The following PRUNE2 variants were observed in gnomAD, a reference collection of about 807,000 sequenced individuals.
The protein encoded by PRUNE2 is prune homolog 2 with BCH domain, also known as protein prune homolog 2.
A neutral mutation model predicts 252.0 loss-of-function variants in PRUNE2; 164 were observed. That is an observed-to-expected ratio of 0.65 (90% CI 0.57 to 0.74). PRUNE2 has a LOEUF of 0.74. PRUNE2 is among the 30% of genes least tolerant of loss of function. The pLI is 0.00. For synonymous variants in PRUNE2, 1,292 were observed against 1,350.2 expected, an observed-to-expected ratio of 0.96 and a Z score of 0.94; for missense variants, 3,495 against 3,711.0, an observed-to-expected ratio of 0.94 and a Z score of 1.51.
chr9:76,637,011 A>G (rs200042870), intron 14 of PRUNE2, among the ~76,000 whole-genome samples: 13 of 81,208 alleles, frequency 1.6e-4, no homozygotes, highest in South Asian at 4.5e-4. Flanking sequence ...GTGTGTGTGT[A>G]TAATTTTAGG....
Position 76,636,295 on chromosome 9 carries a change from T to C in PRUNE2, c.9050+176A>G, listed in dbSNP as rs190020988. The stretch of plus-strand genomic sequence containing the variant: ...GGGAAATATTCATCATGACAGCATT[T>C]TCTCTCTTAATTCGGGATTCTTGAT... On this transcript the variant is annotated intron_variant, in intron 15 of 18. Transcript: ENST00000376718. 1.2e-4 allele frequency among the ~76,000 whole-genome samples: 18 copies of C among 152,330 alleles called. No homozygotes were observed. The East Asian group carries it at 3.3e-3, about 28-fold the overall frequency.
intron 3 of PRUNE2, among the ~76,000 whole-genome samples, chr9:76,848,865 A>G (rs570094595): frequency 6.6e-6 from 1 of 152,262 alleles, no homozygotes; most frequent in African/African-American, 2.4e-5. Context: ...TACTAACTAC[A>G]TATGGTTCTT....
At chr9:76,800,320 G>T (rs2056464703) in intron 6 of PRUNE2, among the ~76,000 whole-genome samples, 1 of 151,814 alleles carries the variant, frequency 6.6e-6, no homozygotes, top group South Asian at 2.1e-4. Context: ...TTGTCCTTGC[G>T]ATACTTTGCT....
chr9:76,826,693 T>C lies in PRUNE2; in HGVS notation c.548A>G (p.Lys183Arg). ...LFKWMTMESE[K>R]ISEKQEEILS... ...AATTTCCTCCTGCTTCTCTGAGATC[T>C]TCTCTGATTCCATGGTCATCCACTT... is the stretch of plus-strand genomic sequence containing the variant. Residue 183 changes from lysine (K) to arginine (R), a missense_variant, in exon 5 of 19, where the codon AAG becomes AGG. Coordinates refer to ENST00000376718, the MANE Select transcript of PRUNE2 (RefSeq NM_015225.3). 6.2e-7 allele frequency: 1 copy of C among 1,611,934 alleles called. No individual in the cohort carries two copies. Among genetic ancestry groups the C allele is most frequent in the East Asian group, 2.2e-5 (1 of 44,762 alleles).
chr9:76,823,244 TTTC>T (rs1290141213), intron 6 of PRUNE2: 1 of 152,126 alleles, frequency 6.6e-6, no homozygotes, highest in African/African-American at 2.4e-5. Context: ...CTTGCTTTTT[TTTC>T]TTTTTTCTTT....
intron 11 of PRUNE2, among the ~76,000 whole-genome samples, chr9:76,645,488 T>TGCCACA (rs1209135706): frequency 6.6e-6 from 1 of 152,164 alleles, no homozygotes; most frequent in East Asian, 1.9e-4. Flanking sequence ...TTTCAAAATA[T>TGCCACA]GCCACACCAA....
rs1406560266 is a variant in PRUNE2 at position 76,850,605 on chromosome 9, A to C, written c.202T>G (p.Tyr68Asp). ...VLNIPRTEFN[Y>D]FTETRFILEE... ...AAAATAAACCTCGTCTCGGTGAAGT[A>C]GTTGAATTCAGTTCTTGGTATGTTC... is the stretch of plus-strand genomic sequence containing the variant. The change falls in exon 3 of 19, where the codon TAC (tyrosine) becomes GAC (aspartate). Residue 68 changes from tyrosine to aspartate, a missense_variant. Tyr to Asp is a radical substitution (Grantham distance 160, BLOSUM62 -3). Coordinates refer to ENST00000376718, the MANE Select transcript of PRUNE2 (RefSeq NM_015225.3). The C allele has an allele frequency of 6.8e-6, 11 of 1,614,028 alleles. No homozygotes were observed. The highest frequency in any genetic ancestry group is 1.3e-5 in the African/African-American group (1 of 74,936).
At chr9:76,859,689 G>GTTTA (rs2060447463) in intron 1 of PRUNE2, among the ~76,000 whole-genome samples, 3 of 77,866 alleles carry the variant, frequency 3.9e-5, no homozygotes, top group Non-Finnish European at 5.3e-5. Flanking sequence ...TAGGGTGCTT[G>GTTTA]TTTGTTTGTT....
intron 11 of PRUNE2, 162 bp from the exon 12 acceptor site, chr9:76,645,071 C>T (rs1844241035): frequency 3.2e-6 from 2 of 627,480 alleles, no homozygotes; most frequent in East Asian, 5.5e-5. Flanking sequence ...TTTGTACAGC[C>T]TTTACAGAGC....
At chr9:76,871,504 G>A (rs1216809429) in intron 1 of PRUNE2, among the ~76,000 whole-genome samples, 2 of 152,236 alleles carry the variant, frequency 1.3e-5, no homozygotes, top group African/African-American at 4.8e-5. Context: ...GCTGTGTCTA[G>A]TGCTTTGGTA....
chr9:76,729,318 G>C (rs1243886267), intron 6 of PRUNE2, among the ~76,000 whole-genome samples: 1 of 152,202 alleles, frequency 6.6e-6, no homozygotes, highest in African/African-American at 2.4e-5. Flanking sequence ...GATTCAGTAG[G>C]TCTGGGGCTG....
intron 1 of PRUNE2, among the ~76,000 whole-genome samples, chr9:76,891,822 C>T (rs2062491976): frequency 6.6e-6 from 1 of 152,152 alleles, no homozygotes; most frequent in Non-Finnish European, 1.5e-5. Context: ...GGCTGTGTGT[C>T]TCTGGGCAAG....
Position 76,612,874 on chromosome 9 carries a change from A to G in PRUNE2, c.*1696T>C, listed in dbSNP as rs142874325. On this transcript the variant is annotated 3_prime_UTR_variant, in exon 19 of 19. Coordinates refer to ENST00000376718, the MANE Select transcript of PRUNE2 (RefSeq NM_015225.3). ...GCTCCTTCTACCCAGGACTCCAAAT[A>G]TCCTGGACAGCTCTCCCCAATGAAT... The G allele has an allele frequency of 1.3e-5, 2 of 152,284 alleles. No homozygotes were observed. The highest frequency in any genetic ancestry group is 4.8e-5 in the African/African-American group (2 of 41,548). The allele number at this position is 152,284 out of a possible 1,614,324, so 9.4% of individuals were successfully genotyped here.
chr9:76,811,148 C>G (rs2057332069), intron 6 of PRUNE2, among the ~76,000 whole-genome samples: 1 of 152,148 alleles, frequency 6.6e-6, no homozygotes, highest in African/African-American at 2.4e-5. Context: ...TAGCCAAATC[C>G]TTCCAGAAAT....
chr9:76,625,183 C>CAT (rs1834147173), intron 16 of PRUNE2: 1 of 501,120 alleles, frequency 2.0e-6, no homozygotes, highest in East Asian at 7.0e-5. Context: ...AGTCATGCAC[C>CAT]ATGTAACATC....
intron 6 of PRUNE2, among the ~76,000 whole-genome samples, chr9:76,730,104 T>C (rs1023777902): frequency 6.6e-6 from 1 of 152,254 alleles, no homozygotes; most frequent in Admixed American, 6.5e-5. Flanking sequence ...GTACAATTGA[T>C]TTAAATAGGT....
intron 10 of PRUNE2, among the ~76,000 whole-genome samples, chr9:76,654,167 G>A (rs1458622458): frequency 1.3e-5 from 2 of 152,156 alleles, no homozygotes; most frequent in Non-Finnish European, 2.9e-5. Flanking sequence ...AGTGTTCAGT[G>A]TGAGAGCAGA....
chr9:76,717,033 C>A (rs2047212299), intron 6 of PRUNE2, among the ~76,000 whole-genome samples: 2 of 152,170 alleles, frequency 1.3e-5, no homozygotes, highest in African/African-American at 4.8e-5. Context: ...TCATCATGTC[C>A]CTCAAGTGCT....
At chr9:76,848,564 A>G (rs1342654834) in intron 3 of PRUNE2, among the ~76,000 whole-genome samples, 2 of 152,212 alleles carry the variant, frequency 1.3e-5, no homozygotes, top group African/African-American at 4.8e-5. Flanking sequence ...TTAAACAGAA[A>G]AGGTTTTATT....
Sources: gnomAD v4.1 joint callset for allele counts (sites outside exome capture counted in the v4.1 genomes callset) on GRCh38, gnomAD v4.1.1 for gene constraint, MANE v1.5 for transcripts, NCBI Gene and HGNC (gene_info 2026-07-23, HGNC 2026-07-21) for gene names.